IPO11: variants seen among roughly 807,000 people sequenced by gnomAD.
The protein encoded by IPO11 is importin-11.
IPO11 carries 66 observed loss-of-function variants against 143.2 expected under a neutral mutation model. That is an observed-to-expected ratio of 0.46 (90% CI 0.38 to 0.57). The LOEUF is 0.57. Among genes scored for constraint, IPO11 ranks in the 20% least tolerant of loss-of-function variants. The pLI, the probability that IPO11 is intolerant of heterozygous loss-of-function variation, is 0.00. For missense variants in IPO11, 1,026 were observed against 1,141.0 expected (o/e 0.90, Z 1.45); for synonymous variants, 385 against 377.8 (o/e 1.02, Z -0.22).
chr5:62,551,077 C>T (rs1284965651), intron 25 of IPO11, 146 bp from the exon 26 acceptor site: 1 of 402,058 alleles, frequency 2.5e-6, no homozygotes, highest in East Asian at 3.7e-5. Flanking sequence ...TAAGTTAGAA[C>T]TCAGGCAGTA....
chr5:62,530,863 C>A, intron 22 of IPO11, 78 bp downstream of exon 22: 1 of 1,103,154 alleles, frequency 9.1e-7, no homozygotes, highest in Non-Finnish European at 1.4e-6. Flanking sequence ...AATTTGGAGG[C>A]ATTACAACAA....
chr5:62,582,248 G>T, intron 27 of IPO11, among the ~76,000 whole-genome samples: 1 of 152,198 alleles, frequency 6.6e-6, no homozygotes, highest in East Asian at 1.9e-4. Flanking sequence ...TAATCCAGGG[G>T]AAAGATGCTA....
intron 28 of IPO11, among the ~76,000 whole-genome samples, chr5:62,591,913 G>A (rs1033870360): frequency 2.6e-5 from 4 of 152,150 alleles, no homozygotes; most frequent in East Asian, 1.9e-4. Flanking sequence ...GCAGTGGTGC[G>A]ATCTCAGCTA....
chr5:62,444,481 C>G (rs2112147876), intron 3 of IPO11, among the ~76,000 whole-genome samples: 1 of 152,238 alleles, frequency 6.6e-6, no homozygotes, highest in Admixed American at 6.5e-5. Flanking sequence ...TGTTTATAGG[C>G]AATGGCCCAG....
chr5:62,439,615 C>G (rs1744388302), intron 2 of IPO11, among the ~76,000 whole-genome samples: 1 of 149,976 alleles, frequency 6.7e-6, no homozygotes, highest in Non-Finnish European at 1.5e-5. Context: ...TAAGTAGAGA[C>G]AGGGTCTTGC....
chr5:62,578,761 A>G (rs1439632802), intron 27 of IPO11: 2 of 464,086 alleles, frequency 4.3e-6, no homozygotes, highest in Non-Finnish European at 8.9e-6. Context: ...AACCAATGTG[A>G]AGAGTGGTGT....
intron 1 of IPO11, among the ~76,000 whole-genome samples, chr5:62,421,888 C>T (rs953543954): frequency 6.6e-6 from 1 of 152,168 alleles, no homozygotes; most frequent in African/African-American, 2.4e-5. Context: ...TTATAAGATA[C>T]AGCTTTATAG....
chr5:62,450,020 A>C (rs1167695513), intron 4 of IPO11, 21 bp downstream of exon 4: 1 of 1,531,964 alleles, frequency 6.5e-7, no homozygotes, highest in East Asian at 2.3e-5. Context: ...AATGAATGCT[A>C]ATTTTTCTTT....
chr5:62,507,857 G>A (rs541592170), intron 19 of IPO11, among the ~76,000 whole-genome samples: 10 of 151,970 alleles, frequency 6.6e-5, no homozygotes, highest in African/African-American at 1.2e-4. Flanking sequence ...CTCATCTTTC[G>A]GAGCACAAAT....
intron 16 of IPO11, among the ~76,000 whole-genome samples, chr5:62,500,875 A>G (rs1741323663): frequency 6.6e-6 from 1 of 152,190 alleles, no homozygotes; most frequent in Non-Finnish European, 1.5e-5. Context: ...TGCATAGGTA[A>G]TGTGATGTGT....
chr5:62,431,918 G>A (rs1744000705), intron 1 of IPO11, among the ~76,000 whole-genome samples: 1 of 147,518 alleles, frequency 6.8e-6, no homozygotes, highest in Non-Finnish European at 1.5e-5. Context: ...TCCAGCCTGG[G>A]TGACAGAGCA....
chr5:62,415,616 G>A (rs543783156), intron 1 of IPO11, among the ~76,000 whole-genome samples: 2 of 151,928 alleles, frequency 1.3e-5, no homozygotes, highest in Admixed American at 6.5e-5. Flanking sequence ...TTACCGGCAT[G>A]CACCGCCATG....
chr5:62,586,884 A>G (rs1161994229), intron 27 of IPO11, among the ~76,000 whole-genome samples: 1 of 147,866 alleles, frequency 6.8e-6, no homozygotes. Context: ...ATAATTACCA[A>G]TTCTCTGATA....
rs777156629 is a variant in IPO11, at chr5:62,437,428, C to G, written c.138+11C>G. 6.9e-6 allele frequency: 11 copies of G among 1,591,076 alleles called. No individual in the cohort carries two copies. The East Asian group carries it at 2.2e-4, about 32-fold the overall frequency. ...TATTCAGTGTTGCTGGTAAGTTGTT[C>G]TAAAATTGTTTGCTTTTCTTTTTAA... On this transcript the variant is annotated intron_variant, in intron 2 of 29. Coordinates refer to ENST00000325324, the MANE Select transcript of IPO11 (RefSeq NM_016338.5).
intron 2 of IPO11, among the ~76,000 whole-genome samples, chr5:62,442,129 C>T (rs1342329215): frequency 1.3e-5 from 2 of 152,168 alleles, no homozygotes; most frequent in African/African-American, 4.8e-5. Context: ...CAGGCGTGAG[C>T]TACCGCGCCC....
intron 24 of IPO11, among the ~76,000 whole-genome samples, chr5:62,546,663 A>G (rs538645671): frequency 1.3e-5 from 2 of 152,328 alleles, no homozygotes; most frequent in African/African-American, 4.8e-5. Flanking sequence ...TTTAAACTAA[A>G]GTGCAAAAGT....
chr5:62,615,823 ATC>A (rs1193364882), intron 29 of IPO11, among the ~76,000 whole-genome samples: 1 of 152,034 alleles, frequency 6.6e-6, no homozygotes, highest in Non-Finnish European at 1.5e-5. Context: ...TCCTTATCCT[ATC>A]TCAGGTTTAT....
chr5:62,528,830 A>T (rs1203370707), intron 21 of IPO11, among the ~76,000 whole-genome samples: 2 of 152,170 alleles, frequency 1.3e-5, no homozygotes, highest in African/African-American at 2.4e-5. Flanking sequence ...ATTTGAATTT[A>T]TTAGGGATAA....
chr5:62,503,411 C>CTATAAATA (rs1302219200), intron 16 of IPO11, among the ~76,000 whole-genome samples: 9 of 147,664 alleles, frequency 6.1e-5, no homozygotes, highest in African/African-American at 2.2e-4. Flanking sequence ...TTAATAGTAT[C>CTATAAATA]TATTAATATA....
Sources: allele counts gnomAD v4.1 joint callset (sites outside exome capture counted in the v4.1 genomes callset), GRCh38; gene constraint gnomAD v4.1.1; transcripts MANE v1.5; gene names NCBI Gene and HGNC (gene_info 2026-07-23, HGNC 2026-07-21).